The following ARHGAP24 variants were observed in gnomAD, a reference collection of about 807,000 sequenced individuals.
ARHGAP24 encodes rho GTPase-activating protein 24.
In ARHGAP24, 50 loss-of-function variants were observed where a neutral mutation model predicts 76.4. That is an observed-to-expected ratio of 0.65 (90% confidence interval 0.52 to 0.83). The LOEUF is 0.83. Ranked by LOEUF, ARHGAP24 falls within the 40% of genes least tolerant of loss-of-function variation. The pLI is 0.00. For missense variants in ARHGAP24, 930 were observed against 914.2 expected, an observed-to-expected ratio of 1.02 and a Z score of -0.22; for synonymous variants, 345 against 323.3, an observed-to-expected ratio of 1.07 and a Z score of -0.72.
At chr4:85,480,128 G>A (rs973428121) in intron 1 of ARHGAP24, among the ~76,000 whole-genome samples, 3 of 152,004 alleles carry the variant, frequency 2.0e-5, no homozygotes, top group African/African-American at 7.3e-5. Flanking sequence ...ATTACACTAT[G>A]CTTTAATATG....
chr4:85,729,121 A>C (rs1396790125), intron 3 of ARHGAP24, among the ~76,000 whole-genome samples: 4 of 151,934 alleles, frequency 2.6e-5, no homozygotes, highest in Admixed American at 6.6e-5. Flanking sequence ...CAGCTGTGAC[A>C]ATCTCTTTTT....
intron 1 of ARHGAP24, among the ~76,000 whole-genome samples, chr4:85,503,130 C>T (rs1352988619): frequency 2.0e-5 from 3 of 152,084 alleles, no homozygotes; most frequent in African/African-American, 7.2e-5. Flanking sequence ...CAGTTTTTTA[C>T]TAAGGATTTT....
chr4:85,631,921 T>G (rs985526378), intron 2 of ARHGAP24, among the ~76,000 whole-genome samples: 4 of 152,036 alleles, frequency 2.6e-5, no homozygotes, highest in Non-Finnish European at 4.4e-5. Context: ...TTCAAAAAAT[T>G]TTTTCTTTAT....
At chr4:85,973,084 G>A (rs1213087967) in intron 6 of ARHGAP24, among the ~76,000 whole-genome samples, 1 of 152,108 alleles carries the variant, frequency 6.6e-6, no homozygotes, top group African/African-American at 2.4e-5. Context: ...TACCTAGAAG[G>A]TAGAATTGTT....
rs115993626 is a variant in ARHGAP24, at chr4:85,674,180, G to C, written c.181-47705G>C. Among the ~76,000 whole-genome samples, 4 of 152,144 alleles carry C rather than the reference G, an allele frequency of 2.6e-5. No individual in the cohort carries two copies. In the South Asian group the frequency reaches 8.3e-4, roughly 32 times the overall value. ...TCTGCGGTGGGGCCCAATAATTTTCGTTTCCAACAGTTTTCCTGGATGCTG... is the reference window on the plus strand; with the variant it reads ...TCTGCGGTGGGGCCCAATAATTTTCCTTTCCAACAGTTTTCCTGGATGCTG... On this transcript the variant is annotated intron_variant, in intron 2 of 9. Transcript: ENST00000395184.
At chr4:85,619,847 T>G (rs1720657890) in intron 2 of ARHGAP24, among the ~76,000 whole-genome samples, 1 of 151,958 alleles carries the variant, frequency 6.6e-6, no homozygotes, top group South Asian at 2.1e-4. Flanking sequence ...AATATCTAAT[T>G]TGTTGAGAGT....
intron 9 of ARHGAP24, among the ~76,000 whole-genome samples, chr4:85,998,382 A>G (rs12510562): frequency 0.21 from 31,578 of 151,834 alleles, 3,519 homozygotes; most frequent in South Asian, 0.39. Flanking sequence ...TTCTGATATT[A>G]ATATTGTCCT....
chr4:85,948,286 C>T (rs1737405354), intron 5 of ARHGAP24, among the ~76,000 whole-genome samples: 1 of 152,074 alleles, frequency 6.6e-6, no homozygotes, highest in Admixed American at 6.5e-5. Context: ...TCAATAGGCT[C>T]CTCATAATAG....
intron 3 of ARHGAP24, among the ~76,000 whole-genome samples, chr4:85,830,100 T>C (rs1729914226): frequency 6.6e-6 from 1 of 152,256 alleles, no homozygotes. Flanking sequence ...TCTCTAATTT[T>C]CTAAAATGCT....
At chr4:85,939,970 C>T (rs1270161176) in intron 4 of ARHGAP24, among the ~76,000 whole-genome samples, 1 of 151,594 alleles carries the variant, frequency 6.6e-6, no homozygotes, top group Non-Finnish European at 1.5e-5. Flanking sequence ...CTTAAATGAT[C>T]TACAAGTCTT....
At chr4:85,546,384 T>C (rs917849920) in intron 1 of ARHGAP24, among the ~76,000 whole-genome samples, 2 of 152,092 alleles carry the variant, frequency 1.3e-5, no homozygotes, top group African/African-American at 4.8e-5. Flanking sequence ...GAATTGAGAA[T>C]AGAAAAACAT....
chr4:85,507,181 A>G (rs570068806), intron 1 of ARHGAP24, among the ~76,000 whole-genome samples: 83 of 152,248 alleles, frequency 5.5e-4, no homozygotes, highest in Non-Finnish European at 8.7e-4. Flanking sequence ...ATCACTGATC[A>G]CTTTCCTCTA....
chr4:85,965,297 T>C (rs1248276653), intron 5 of ARHGAP24, among the ~76,000 whole-genome samples: 1 of 152,018 alleles, frequency 6.6e-6, no homozygotes, highest in Non-Finnish European at 1.5e-5. Flanking sequence ...ATGAGTCCCA[T>C]TCACTATCAT....
At position 85,942,141 on chromosome 4, in the gene ARHGAP24, TGGA is replaced by T; in HGVS notation, c.469_471del (p.Glu157del). On this transcript the variant is annotated inframe_deletion, in exon 5 of 10. Transcript: ENST00000395184. The stretch of plus-strand genomic sequence containing the variant: ...GGGAACCGTCTGGCTCCGATGTTGG[TGGA>T]GCAGTGCGTGGACTTTATCCGACAA... 1 of 1,614,014 alleles carries T rather than the reference TGGA, an allele frequency of 6.2e-7. No individual in the cohort carries two copies. The highest frequency in any genetic ancestry group is 8.5e-7 in the Non-Finnish European group (1 of 1,180,006).
chr4:85,792,900 G>A (rs1481870159), intron 3 of ARHGAP24, among the ~76,000 whole-genome samples: 1 of 152,068 alleles, frequency 6.6e-6, no homozygotes, highest in Non-Finnish European at 1.5e-5. Context: ...TATTTAATTA[G>A]GCTCAAAAAT....
chr4:85,991,989 G>C (rs1740357707), intron 8 of ARHGAP24: 1 of 392,764 alleles, frequency 2.5e-6, no homozygotes, highest in Non-Finnish European at 4.5e-6. Flanking sequence ...ATGATGAAAA[G>C]TGCCTATTAT....
chr4:85,777,234 T>C (rs13125320), intron 3 of ARHGAP24, among the ~76,000 whole-genome samples: 39,937 of 152,208 alleles, frequency 0.26, 7,017 homozygotes, highest in Non-Finnish European at 0.39. Context: ...ATTAATTACA[T>C]TTTATAATTA....
chr4:85,745,998 T>G (rs1216063656), intron 3 of ARHGAP24, among the ~76,000 whole-genome samples: 1 of 152,256 alleles, frequency 6.6e-6, no homozygotes, highest in East Asian at 1.9e-4. Context: ...CATTTACTGT[T>G]AAAGGCAATT....
At chr4:85,925,407 A>G (rs1178775170) in intron 4 of ARHGAP24, among the ~76,000 whole-genome samples, 1 of 152,238 alleles carries the variant, frequency 6.6e-6, no homozygotes. Flanking sequence ...CCCAAAGGGC[A>G]AGAGTAGTGA....
Sources: gnomAD v4.1 joint callset for allele counts (sites outside exome capture counted in the v4.1 genomes callset) on GRCh38, gnomAD v4.1.1 for gene constraint, MANE v1.5 for transcripts, NCBI Gene and HGNC (gene_info 2026-07-23, HGNC 2026-07-21) for gene names.